SLC25A26: variants seen among roughly 807,000 people sequenced by gnomAD.
SLC25A26 encodes the protein mitochondrial S-adenosylmethionine carrier protein.
In SLC25A26, 36 loss-of-function variants were observed where a neutral mutation model predicts 37.8. The ratio of observed to expected loss-of-function variants is 0.95; its 90% CI spans 0.73 to 1.26. The LOEUF (loss-of-function observed/expected upper bound fraction) is 1.26. SLC25A26 is among the 50% of genes most tolerant of loss of function. The probability of loss-of-function intolerance (pLI) is 0.00; values close to 1 mark genes in which losing one functional copy is unlikely to be tolerated. For synonymous variants in SLC25A26, 129 were observed against 122.5 expected (o/e 1.05, Z -0.35); for missense variants, 390 against 331.1 (o/e 1.18, Z -1.38).
At chr3:66,252,500 T>C (rs1291893694) in intron 3 of SLC25A26, among the ~76,000 whole-genome samples, 3 of 152,174 alleles carry the variant, frequency 2.0e-5, no homozygotes, top group Non-Finnish European at 4.4e-5. Flanking sequence ...TATTTGTCTG[T>C]AGGCCATTTA....
intron 1 of SLC25A26, among the ~76,000 whole-genome samples, chr3:66,182,166 C>T (rs747961645): frequency 6.6e-5 from 10 of 152,088 alleles, no homozygotes; most frequent in South Asian, 4.1e-4. Flanking sequence ...TTAAATGATT[C>T]GAGAGCAGAA....
chr3:66,206,493 T>C (rs1253139427), intron 1 of SLC25A26, among the ~76,000 whole-genome samples: 1 of 152,188 alleles, frequency 6.6e-6, no homozygotes, highest in African/African-American at 2.4e-5. Context: ...CAGGGATGTC[T>C]GTATAATTGG....
chr3:66,332,346 T>G (rs1223423817), intron 5 of SLC25A26, among the ~76,000 whole-genome samples: 3 of 152,238 alleles, frequency 2.0e-5, no homozygotes. Flanking sequence ...CCTTAGCAGA[T>G]AATACTTTGC....
intron 1 of SLC25A26, among the ~76,000 whole-genome samples, chr3:66,161,090 A>G (rs1018761466): frequency 6.6e-6 from 1 of 152,114 alleles, no homozygotes; most frequent in Non-Finnish European, 1.5e-5. Flanking sequence ...AAGCCGATTC[A>G]GTCTAGATAT....
At chr3:66,181,041 A>T (rs1389574966) in intron 1 of SLC25A26, among the ~76,000 whole-genome samples, 2 of 152,190 alleles carry the variant, frequency 1.3e-5, no homozygotes, top group East Asian at 3.9e-4. Context: ...CTTCACCAGA[A>T]ACCAACCCTG....
At chr3:66,147,321 G>A (rs1173983147) in intron 1 of SLC25A26, among the ~76,000 whole-genome samples, 3 of 150,894 alleles carry the variant, frequency 2.0e-5, no homozygotes, top group African/African-American at 4.9e-5. Flanking sequence ...TCACCACCAC[G>A]TCCAGATAAT....
At chr3:66,209,086 A>AT (rs2071232321) in intron 1 of SLC25A26, among the ~76,000 whole-genome samples, 3 of 18,416 alleles carry the variant, frequency 1.6e-4, no homozygotes, top group African/African-American at 2.2e-4. Flanking sequence ...ACCCATATAA[A>AT]GATGTATATA....
intron 1 of SLC25A26, among the ~76,000 whole-genome samples, chr3:66,176,119 G>C (rs2070582957): frequency 6.6e-6 from 1 of 152,124 alleles, no homozygotes; most frequent in Non-Finnish European, 1.5e-5. Flanking sequence ...AACACACCTG[G>C]CTAATGCTTT....
At chr3:66,231,313 A>C (rs2072017040) in intron 1 of SLC25A26, among the ~76,000 whole-genome samples, 1 of 152,112 alleles carries the variant, frequency 6.6e-6, no homozygotes, top group Non-Finnish European at 1.5e-5. Context: ...GTTCTTAGTT[A>C]CCGTTTGCTG....
chr3:66,207,929 C>A (rs1020521485), intron 1 of SLC25A26, among the ~76,000 whole-genome samples: 41 of 152,286 alleles, frequency 2.7e-4, no homozygotes, highest in Admixed American at 1.2e-3. Flanking sequence ...AGGTAGCATT[C>A]TTGTGGGTTA....
rs150154294 is a variant in SLC25A26, at chr3:66,281,410, C to T, written c.453+18031C>T. ...ATAGTTTTAACATCTGTGGATACTTCTTGTCTGAAGCATTTGTTACATTGG... is the reference window on the plus strand; with the variant it reads ...ATAGTTTTAACATCTGTGGATACTTTTTGTCTGAAGCATTTGTTACATTGG... On this transcript the variant is annotated intron_variant, in intron 5 of 9. Coordinates refer to ENST00000354883, the MANE Select transcript of SLC25A26 (RefSeq NM_001379210.1). Among the ~76,000 whole-genome samples, 4 of 152,302 alleles carry T rather than the reference C, an allele frequency of 2.6e-5. No individual in the cohort carries two copies. In the East Asian group the frequency reaches 5.8e-4, roughly 22 times the overall value.
rs118013706 is a variant in SLC25A26 at position 66,346,127 on chromosome 3, C to T, written c.454-237C>T. ...GGAAAATCTCGTGAGCCTGGGAGGTCGAGGGTGGTGATCTGTCAGCCTGAG... is the reference window on the plus strand; with the variant it reads ...GGAAAATCTCGTGAGCCTGGGAGGTTGAGGGTGGTGATCTGTCAGCCTGAG... On this transcript the variant is annotated intron_variant, in intron 5 of 9. Coordinates refer to ENST00000354883, the MANE Select transcript of SLC25A26 (RefSeq NM_001379210.1). Among the ~76,000 whole-genome samples, 452 of 152,210 alleles carry T rather than the reference C, an allele frequency of 3.0e-3. 3 individuals are homozygous for T. The highest frequency in any genetic ancestry group is 0.016 in the East Asian group (82 of 5,176).
intron 1 of SLC25A26, among the ~76,000 whole-genome samples, chr3:66,200,390 C>T (rs1421592983): frequency 2.0e-5 from 3 of 152,212 alleles, no homozygotes; most frequent in Non-Finnish European, 4.4e-5. Context: ...GTGGGTGGCA[C>T]AGCATACAGA....
chr3:66,296,675 T>G (rs529452210), intron 5 of SLC25A26, among the ~76,000 whole-genome samples: 42 of 151,598 alleles, frequency 2.8e-4, no homozygotes, highest in African/African-American at 9.9e-4. Flanking sequence ...ATATTTAACT[T>G]AATAATTATT....
chr3:66,369,390 G>T lies in SLC25A26; in HGVS notation c.569-88G>T, dbSNP rs1700227319. Reference sequence around the variant, plus strand: ...TCAGCCAGGTGTACATAATGACGAAGTGATTTGGGCAGAGTCAGGAATTCT... The same window carrying T: ...TCAGCCAGGTGTACATAATGACGAATTGATTTGGGCAGAGTCAGGAATTCT... On this transcript the variant is annotated intron_variant, in intron 7 of 9. Coordinates refer to ENST00000354883, the MANE Select transcript of SLC25A26 (RefSeq NM_001379210.1). 3 of 1,098,252 alleles carry T rather than the reference G, an allele frequency of 2.7e-6. No individual in the cohort carries two copies. The South Asian group carries it at 4.1e-5, about 15-fold the overall frequency. The allele number at this position is 1,098,252 out of a possible 1,614,324, so 68.0% of individuals were successfully genotyped here. A position where few individuals can be genotyped will look rare whatever the true frequency, so the allele number is the denominator to read the frequency against.
chr3:66,318,562 C>T (rs1277982010), intron 5 of SLC25A26, among the ~76,000 whole-genome samples: 1 of 151,974 alleles, frequency 6.6e-6, no homozygotes, highest in Non-Finnish European at 1.5e-5. Flanking sequence ...ATGCAGAATT[C>T]ACTCACCATT....
At chr3:66,342,855 C>T (rs899805015) in intron 5 of SLC25A26, among the ~76,000 whole-genome samples, 14 of 152,062 alleles carry the variant, frequency 9.2e-5, no homozygotes, top group Admixed American at 3.9e-4. Flanking sequence ...GGTTTACTGC[C>T]GCTCACTTAT....
chr3:66,238,788 A>C (rs1422590870), intron 2 of SLC25A26, among the ~76,000 whole-genome samples: 1 of 152,148 alleles, frequency 6.6e-6, no homozygotes, highest in Non-Finnish European at 1.5e-5. Context: ...CTTCATGTTG[A>C]GTAGGCTGAG....
chr3:66,154,728 C>A (rs1366893777), intron 1 of SLC25A26, among the ~76,000 whole-genome samples: 6 of 152,028 alleles, frequency 3.9e-5, no homozygotes, highest in Admixed American at 2.0e-4. Flanking sequence ...GCGATCCACC[C>A]GCCACGGCCT....
Sources: gnomAD v4.1 joint callset for allele counts (sites outside exome capture counted in the v4.1 genomes callset) on GRCh38, gnomAD v4.1.1 for gene constraint, MANE v1.5 for transcripts, NCBI Gene and HGNC (gene_info 2026-07-23, HGNC 2026-07-21) for gene names.